CLVS1: variants seen among roughly 807,000 people sequenced by gnomAD.
The protein encoded by CLVS1 is clavesin-1.
A neutral mutation model predicts 33.1 loss-of-function variants in CLVS1; 10 were observed. The ratio of observed to expected loss-of-function variants is 0.30; its 90% CI spans 0.19 to 0.51. The LOEUF is 0.51. Among genes scored for constraint, CLVS1 ranks in the 20% least tolerant of loss-of-function variants. The pLI, the probability that CLVS1 is intolerant of heterozygous loss-of-function variation, is 0.97. For missense variants in CLVS1, 343 were observed against 433.4 expected, an observed-to-expected ratio of 0.79 and a Z score of 1.85; for synonymous variants, 163 against 166.1, an observed-to-expected ratio of 0.98 and a Z score of 0.14.
intron 2 of CLVS1, among the ~76,000 whole-genome samples, chr8:61,306,953 C>T (rs62524887): frequency 0.034 from 5,212 of 152,312 alleles, 110 homozygotes; most frequent in Non-Finnish European, 0.055. Context: ...CTGCAAAGAC[C>T]TCTGAGATAG....
chr8:61,019,459 A>T, the CLVS1 span, among the ~76,000 whole-genome samples: 1 of 152,208 alleles, frequency 6.6e-6, no homozygotes. Context: ...TCCTAAAAAA[A>T]ATAAACTTCA....
chr8:61,086,102 C>T (rs909971900), intron 1 of CLVS1, among the ~76,000 whole-genome samples: 20 of 128,510 alleles, frequency 1.6e-4, no homozygotes, highest in African/African-American at 5.9e-4. Flanking sequence ...TGGTGTGTGA[C>T]TGTAATCCCA....
At chr8:61,092,206 T>C (rs144571619) in intron 1 of CLVS1, among the ~76,000 whole-genome samples, 4 of 152,362 alleles carry the variant, frequency 2.6e-5, no homozygotes, top group African/African-American at 9.6e-5. Flanking sequence ...GCATTTGAAC[T>C]TTTTCCATTA....
intron 1 of CLVS1, among the ~76,000 whole-genome samples, chr8:61,104,887 G>A (rs1459330999): frequency 6.6e-6 from 1 of 152,124 alleles, no homozygotes; most frequent in Non-Finnish European, 1.5e-5. Context: ...GGAGTGCAAT[G>A]GTATGATCTC....
At chr8:61,319,198 T>A (rs1811112615) in intron 2 of CLVS1, among the ~76,000 whole-genome samples, 1 of 152,150 alleles carries the variant, frequency 6.6e-6, no homozygotes, top group African/African-American at 2.4e-5. Flanking sequence ...GTGGGAATGA[T>A]CTTCTACAGA....
chr8:61,341,560 C>T (rs1013854776), intron 2 of CLVS1, among the ~76,000 whole-genome samples: 1 of 152,202 alleles, frequency 6.6e-6, no homozygotes, highest in Non-Finnish European at 1.5e-5. Context: ...CACCCACCAT[C>T]CGGTTTCTTC....
chr8:61,314,825 G>T (rs963759063), intron 2 of CLVS1, among the ~76,000 whole-genome samples: 1 of 152,160 alleles, frequency 6.6e-6, no homozygotes, highest in African/African-American at 2.4e-5. Flanking sequence ...TAATGAGCCT[G>T]CTTTGAAAAC....
At chr8:61,445,902 A>G (rs1483273670) in intron 3 of CLVS1, among the ~76,000 whole-genome samples, 1 of 152,186 alleles carries the variant, frequency 6.6e-6, no homozygotes, top group Non-Finnish European at 1.5e-5. Flanking sequence ...ATATTTTATG[A>G]GAAATTGATC....
intron 2 of CLVS1, chr8:61,301,045 C>T (rs1231596812): frequency 6.6e-6 from 1 of 152,194 alleles, no homozygotes; most frequent in Non-Finnish European, 1.5e-5. Context: ...AGTATCTCTG[C>T]CTCTAGTCTT....
chr8:61,314,856 G>A (rs1810958324), intron 2 of CLVS1, among the ~76,000 whole-genome samples: 1 of 152,162 alleles, frequency 6.6e-6, no homozygotes, highest in Non-Finnish European at 1.5e-5. Flanking sequence ...CTAATTTCCT[G>A]TAGATTAGGA....
At chr8:61,080,058 G>A (rs1380370946) in intron 1 of CLVS1, among the ~76,000 whole-genome samples, 1 of 152,080 alleles carries the variant, frequency 6.6e-6, no homozygotes, top group African/African-American at 2.4e-5. Context: ...ATTTATTGTG[G>A]GCACTAAATT....
rs530730562 is a variant in CLVS1, at chr8:61,342,955, G to A, written c.456-33650G>A. Among the ~76,000 whole-genome samples, 5 of 152,314 alleles carry A rather than the reference G, an allele frequency of 3.3e-5. No individual in the cohort carries two copies. The East Asian group carries it at 9.6e-4, about 29-fold the overall frequency. On this transcript the variant is annotated intron_variant, in intron 2 of 5. Transcript: ENST00000325897. ...GTTGGGAGAAGAATGAAAAGTAGAG[G>A]GAGAAACATGGACACAACATTTAAA...
chr8:60,970,224 T>C, the CLVS1 span, among the ~76,000 whole-genome samples: 5 of 152,240 alleles, frequency 3.3e-5, no homozygotes, highest in African/African-American at 1.2e-4. Context: ...ATCTGGATCT[T>C]CTCTTGAGAT....
intron 3 of CLVS1, among the ~76,000 whole-genome samples, chr8:61,400,975 A>T (rs1814725653): frequency 1.3e-5 from 2 of 151,878 alleles, no homozygotes; most frequent in African/African-American, 2.4e-5. Context: ...TTTATCAAGG[A>T]TATTGGCCTG....
intron 5 of CLVS1, among the ~76,000 whole-genome samples, chr8:61,480,760 T>C (rs1818163118): frequency 6.6e-6 from 1 of 152,012 alleles, no homozygotes; most frequent in South Asian, 2.1e-4. Flanking sequence ...GAGATTAGAC[T>C]AGGGTACAGA....
chr8:61,240,109 G>C (rs919777019), intron 2 of CLVS1, among the ~76,000 whole-genome samples: 2 of 152,172 alleles, frequency 1.3e-5, no homozygotes, highest in Non-Finnish European at 2.9e-5. Flanking sequence ...AAGAAAACAA[G>C]ATCAATAAAC....
chr8:61,470,757 C>T (rs1817706888), intron 5 of CLVS1, among the ~76,000 whole-genome samples: 1 of 152,166 alleles, frequency 6.6e-6, no homozygotes, highest in Non-Finnish European at 1.5e-5. Flanking sequence ...CACTGTGCAG[C>T]TTGCATACCA....
intron 1 of CLVS1, among the ~76,000 whole-genome samples, chr8:61,083,234 C>T (rs2129282852): frequency 6.6e-6 from 1 of 152,302 alleles, no homozygotes; most frequent in Admixed American, 6.5e-5. Context: ...CTCTCCTCTG[C>T]CTCCCAAGGT....
At chr8:61,495,873 G>A (rs1804249731) in intron 5 of CLVS1, among the ~76,000 whole-genome samples, 1 of 152,218 alleles carries the variant, frequency 6.6e-6, no homozygotes, top group Non-Finnish European at 1.5e-5. Flanking sequence ...ATACAGGATA[G>A]TGCTAAGGTG....
Sources: gnomAD v4.1 joint callset for allele counts (sites outside exome capture counted in the v4.1 genomes callset) on GRCh38, gnomAD v4.1.1 for gene constraint, MANE v1.5 for transcripts, NCBI Gene and HGNC (gene_info 2026-07-23, HGNC 2026-07-21) for gene names.